Variants in MORC1 observed in about 807,000 individuals in gnomAD.
The protein encoded by MORC1 is MORC family CW-type zinc finger protein 1.
A neutral mutation model predicts 134.9 loss-of-function variants in MORC1; 59 were observed. The ratio of observed to expected loss-of-function variants is 0.44; its 90% CI spans 0.35 to 0.54. MORC1 has a LOEUF of 0.54. MORC1 is among the 20% of genes least tolerant of loss of function. The pLI is 0.00. For missense variants in MORC1, 947 were observed against 1,134.5 expected (o/e 0.83, Z 2.37); for synonymous variants, 395 against 391.7 (o/e 1.01, Z -0.10).
chr3:109,073,777 G>A (rs1013240709), intron 8 of MORC1, among the ~76,000 whole-genome samples: 1 of 151,956 alleles, frequency 6.6e-6, no homozygotes, highest in African/African-American at 2.4e-5. Flanking sequence ...AAATTAACAG[G>A]GTTTGTATTA....
At chr3:109,026,414 A>G (rs1448299760) in intron 17 of MORC1, among the ~76,000 whole-genome samples, 1 of 152,224 alleles carries the variant, frequency 6.6e-6, no homozygotes, top group Non-Finnish European at 1.5e-5. Flanking sequence ...CAAATCTGCT[A>G]TTCCACCAGC....
intron 8 of MORC1, among the ~76,000 whole-genome samples, chr3:109,076,292 G>A (rs540779303): frequency 2.0e-3 from 301 of 152,196 alleles, no homozygotes; most frequent in African/African-American, 6.6e-3. Context: ...ACCATCTCAC[G>A]CCAGGTAGAA....
intron 17 of MORC1, among the ~76,000 whole-genome samples, chr3:109,020,048 C>T (rs1268067221): frequency 6.6e-6 from 1 of 152,196 alleles, no homozygotes; most frequent in Non-Finnish European, 1.5e-5. Flanking sequence ...ACATCCCTCC[C>T]TTACAAAGCC....
intron 17 of MORC1, among the ~76,000 whole-genome samples, chr3:109,019,326 A>G (rs1948901365): frequency 6.6e-6 from 1 of 152,162 alleles, no homozygotes; most frequent in South Asian, 2.1e-4. Flanking sequence ...AGCTTTCCAA[A>G]GTCACTTTGC....
At chr3:109,043,266 A>G (rs1471808437) in intron 14 of MORC1, among the ~76,000 whole-genome samples, 1 of 151,374 alleles carries the variant, frequency 6.6e-6, no homozygotes, top group Non-Finnish European at 1.5e-5. Flanking sequence ...TATAACATGG[A>G]TGAACTTTGA....
intron 14 of MORC1, among the ~76,000 whole-genome samples, 153 bp downstream of exon 14, chr3:109,054,575 G>C (rs563333588): frequency 6.6e-6 from 1 of 152,234 alleles, no homozygotes; most frequent in African/African-American, 2.4e-5. Flanking sequence ...TTCTGAAATG[G>C]GCTCCCTTCT....
intron 3 of MORC1, among the ~76,000 whole-genome samples, chr3:109,108,655 T>C (rs1255900640): frequency 1.3e-5 from 2 of 152,200 alleles, no homozygotes; most frequent in East Asian, 3.9e-4. Flanking sequence ...GCCAGCACTT[T>C]GCGAGGCCGA....
chr3:109,054,936 C>T (rs1949922039), intron 13 of MORC1, 54 bp from the exon 14 acceptor site: 1 of 1,445,722 alleles, frequency 6.9e-7, no homozygotes, highest in Non-Finnish European at 9.4e-7. Context: ...AGAAAAAAAT[C>T]AAATATATTC....
rs1947377909 is a variant in MORC1, at chr3:108,971,464, G to C, written c.2478-62C>G. On this transcript the variant is annotated intron_variant, in intron 24 of 27. Transcript: ENST00000232603. ...AGGATAACAGAGGTAGCACTCAACT[G>C]TCAGAACTGGGTTTGTCTCCTGGGT... The C allele has an allele frequency of 2.8e-6, 4 of 1,416,688 alleles. No individual in the cohort carries two copies. The East Asian group carries it at 9.2e-5, about 32-fold the overall frequency. 87.8% of individuals were successfully genotyped at this position (1,416,688 alleles called of 1,614,324 possible).
At chr3:109,022,649 G>C (rs1391924124) in intron 17 of MORC1, among the ~76,000 whole-genome samples, 1 of 152,178 alleles carries the variant, frequency 6.6e-6, no homozygotes, top group Non-Finnish European at 1.5e-5. Flanking sequence ...CCAGGTATAA[G>C]AACATTTTGG....
intron 6 of MORC1, among the ~76,000 whole-genome samples, chr3:109,098,010 T>C (rs1576740855): frequency 6.6e-6 from 1 of 152,298 alleles, no homozygotes. Flanking sequence ...AATCAAGAAG[T>C]AGCAATACAG....
At chr3:109,029,119 C>T (rs34601799) in intron 16 of MORC1, among the ~76,000 whole-genome samples, 3,471 of 152,252 alleles carry the variant, frequency 0.023, 63 homozygotes, top group Middle Eastern at 0.11. Context: ...ATATTTTTCT[C>T]GCCCCATACC....
intron 17 of MORC1, among the ~76,000 whole-genome samples, chr3:109,015,124 T>A (rs1948786655): frequency 6.6e-6 from 1 of 152,126 alleles, no homozygotes; most frequent in African/African-American, 2.4e-5. Flanking sequence ...CCTCAAGTGA[T>A]CCGCCCTCCT....
intron 23 of MORC1, among the ~76,000 whole-genome samples, chr3:108,982,573 T>C (rs1320990055): frequency 8.5e-6 from 1 of 117,938 alleles, no homozygotes; most frequent in Non-Finnish European, 1.7e-5. Context: ...CACGGGGACC[T>C]GTCGTGGGAT....
chr3:109,067,560 T>G (rs1435893294), intron 9 of MORC1, among the ~76,000 whole-genome samples: 1 of 152,174 alleles, frequency 6.6e-6, no homozygotes, highest in Non-Finnish European at 1.5e-5. Flanking sequence ...ACATTTTCCA[T>G]GGACTTAAAC....
intron 26 of MORC1, among the ~76,000 whole-genome samples, chr3:108,969,328 T>C (rs1559860667): frequency 6.6e-6 from 1 of 152,186 alleles, no homozygotes; most frequent in East Asian, 1.9e-4. Flanking sequence ...CGATATCAAA[T>C]TGTTGGAAAT....
intron 14 of MORC1, among the ~76,000 whole-genome samples, chr3:109,039,149 G>A (rs1949452010): frequency 6.6e-6 from 1 of 152,056 alleles, no homozygotes; most frequent in Non-Finnish European, 1.5e-5. Context: ...CTCCTGACCT[G>A]AAGTGATCCA....
At chr3:109,102,444 T>C (rs1197218804) in intron 4 of MORC1, among the ~76,000 whole-genome samples, 4 of 152,154 alleles carry the variant, frequency 2.6e-5, no homozygotes, top group Admixed American at 1.3e-4. Flanking sequence ...CTCAGGATGC[T>C]GTGTGGGGAA....
intron 1 of MORC1, 45 bp from the exon 2 acceptor site, chr3:109,114,482 T>G (rs760853408): frequency 6.6e-7 from 1 of 1,522,248 alleles, no homozygotes; most frequent in Admixed American, 1.7e-5. Flanking sequence ...ACCAGGTGTG[T>G]AATCAATGTA....
Sources: allele counts gnomAD v4.1 joint callset (sites outside exome capture counted in the v4.1 genomes callset), GRCh38; gene constraint gnomAD v4.1.1; transcripts MANE v1.5; gene names NCBI Gene and HGNC (gene_info 2026-07-23, HGNC 2026-07-21).